Variants in DCBLD2 observed in about 807,000 individuals in gnomAD.
DCBLD2 encodes the protein discoidin, CUB and LCCL domain-containing protein 2.
Under a neutral mutation model 86.8 loss-of-function variants are expected in DCBLD2, and 54 were observed. That is an observed-to-expected ratio of 0.62 (90% CI 0.50 to 0.78). The LOEUF is 0.78. Among genes scored for constraint, DCBLD2 ranks in the 30% least tolerant of loss-of-function variants. The pLI is 0.00. For missense variants in DCBLD2, 908 were observed against 954.2 expected, an observed-to-expected ratio of 0.95 and a Z score of 0.64; for synonymous variants, 354 against 341.3, an observed-to-expected ratio of 1.04 and a Z score of -0.41.
At chr3:98,849,375 C>G (rs1461211958) in intron 3 of DCBLD2, 86 bp downstream of exon 3, 1 of 1,544,672 alleles carries the variant, frequency 6.5e-7, no homozygotes, top group Non-Finnish European at 8.9e-7. Context: ...ATTCCAATTT[C>G]AGAAAACAGG....
At chr3:98,820,360 T>C (rs1942097222) in intron 6 of DCBLD2, 72 bp from the exon 7 acceptor site, 1 of 1,194,596 alleles carries the variant, frequency 8.4e-7, no homozygotes, top group African/African-American at 1.6e-5. Context: ...TGAAACATTT[T>C]CTTTTGATTT....
intron 1 of DCBLD2, among the ~76,000 whole-genome samples, chr3:98,884,709 T>C (rs1202325984): frequency 6.6e-6 from 1 of 152,104 alleles, no homozygotes; most frequent in Non-Finnish European, 1.5e-5. Context: ...ATAAACAAAG[T>C]AACTCAAAAT....
chr3:98,846,882 T>A (rs568465551), intron 3 of DCBLD2, among the ~76,000 whole-genome samples: 19 of 151,970 alleles, frequency 1.3e-4, no homozygotes, highest in South Asian at 2.1e-4. Flanking sequence ...AACCTTTTTT[T>A]AAAAAAACAG....
rs777513185 is a variant in DCBLD2, at chr3:98,811,238, C to T, written c.1532G>A (p.Ser511Asn). 7 of 1,611,786 alleles carry T rather than the reference C, an allele frequency of 4.3e-6. No homozygotes were observed. In the Admixed American group the frequency reaches 5.0e-5, roughly 12 times the overall value. Residue 511 changes from serine to asparagine, a missense_variant, in exon 12 of 16, where the codon AGT (serine) becomes AAT (asparagine). Ser to Asn is a conservative substitution (Grantham distance 46, BLOSUM62 1). Coordinates refer to ENST00000326840, the MANE Select transcript of DCBLD2 (RefSeq NM_080927.4). ...TACGGTAGTATTTCTGATATCAGGA[C>T]TGGCAGTTGTTTGTTCTGTCTGTGC... Reference protein sequence around the residue: ...FPAQTEQTTASPDIRNTTVTP... With the variant: ...FPAQTEQTTANPDIRNTTVTP...
intron 13 of DCBLD2, among the ~76,000 whole-genome samples, chr3:98,806,563 T>C (rs1165910572): frequency 6.6e-6 from 1 of 152,156 alleles, no homozygotes; most frequent in Non-Finnish European, 1.5e-5. Context: ...ATATATTCTA[T>C]GGCTGGTGTT....
At chr3:98,866,701 T>C (rs1943153058) in intron 2 of DCBLD2, among the ~76,000 whole-genome samples, 1 of 152,158 alleles carries the variant, frequency 6.6e-6, no homozygotes, top group African/African-American at 2.4e-5. Context: ...GCAGAAGCTC[T>C]TTAGTTTAAT....
At chr3:98,868,056 G>A (rs12695786) in intron 2 of DCBLD2, among the ~76,000 whole-genome samples, 56,046 of 151,934 alleles carry the variant, frequency 0.37, 11,280 homozygotes, top group East Asian at 0.71. Context: ...GCCCACCTCA[G>A]CCTCCCAAAG....
chr3:98,803,233 G>T (rs1165511223), intron 13 of DCBLD2, among the ~76,000 whole-genome samples: 2 of 152,120 alleles, frequency 1.3e-5, no homozygotes, highest in African/African-American at 2.4e-5. Context: ...TTGAGCAGTG[G>T]TTTGTAGTTC....
At chr3:98,812,956 T>C (rs1242356686) in intron 9 of DCBLD2, 1 of 152,746 alleles carries the variant, frequency 6.5e-6, no homozygotes, top group Non-Finnish European at 1.5e-5. Flanking sequence ...GGTGAACATA[T>C]ACTAACAAAC....
At chr3:98,884,777 G>T (rs889625815) in intron 1 of DCBLD2, among the ~76,000 whole-genome samples, 2 of 152,136 alleles carry the variant, frequency 1.3e-5, no homozygotes, top group African/African-American at 2.4e-5. Context: ...GTGATTGAAA[G>T]TGTAGATGAA....
intron 2 of DCBLD2, among the ~76,000 whole-genome samples, chr3:98,867,678 C>A (rs752031801): frequency 3.5e-4 from 54 of 152,118 alleles, no homozygotes; most frequent in Non-Finnish European, 6.0e-4. Context: ...TGTACAAAAA[C>A]CAAATACCTT....
rs4484138 is a variant in DCBLD2, at chr3:98,838,902, G to A, written c.571+10559C>T. 1.3e-4 allele frequency among the ~76,000 whole-genome samples: 19 copies of A among 151,128 alleles called. 1 individual carries two copies. The highest frequency in any genetic ancestry group is 4.4e-4 in the African/African-American group (18 of 41,130). ...TCCACCAAAACCAGTCAGGCGTGGC[G>A]GCGCGTGCCTGCAATCGCAGGCATT... is the stretch of plus-strand genomic sequence containing the variant. On this transcript the variant is annotated intron_variant, in intron 3 of 15. Transcript: ENST00000326840.
chr3:98,889,468 A>G (rs1230947692), intron 1 of DCBLD2, among the ~76,000 whole-genome samples: 1 of 152,054 alleles, frequency 6.6e-6, no homozygotes, highest in African/African-American at 2.4e-5. Flanking sequence ...CATCCTTTAA[A>G]TGTCATAAAA....
At position 98,849,592 on chromosome 3, in the gene DCBLD2, T is replaced by A. The variant is rs777148523; in HGVS notation, c.440A>T (p.Tyr147Phe). Reference protein sequence around the residue: ...IGVSRTEIGKYCGLGLQMNHS... With the variant: ...IGVSRTEIGKFCGLGLQMNHS... ...GTTCATTTGCAACCCCAGACCACAG[T>A]ATTTGCCTAGGAATGAAAGAAAAGC... The change falls in exon 3 of 16, where the codon TAC becomes TTC. Residue 147 changes from tyrosine (Y) to phenylalanine (F), a missense_variant. Tyr to Phe is a conservative substitution (Grantham distance 22, BLOSUM62 3). This residue lies in a region of DCBLD2 where 294 missense variants were observed against 256.0 expected (regional missense o/e 1.15). Transcript: ENST00000326840. 8.3e-5 allele frequency: 134 copies of A among 1,608,932 alleles called. No individual in the cohort carries two copies. Among genetic ancestry groups the A allele is most frequent in the Non-Finnish European group, 1.1e-4 (126 of 1,176,066 alleles).
chr3:98,885,171 A>G (rs1189487425), intron 1 of DCBLD2, among the ~76,000 whole-genome samples: 1 of 152,114 alleles, frequency 6.6e-6, no homozygotes, highest in African/African-American at 2.4e-5. Flanking sequence ...ACGTGCCAAG[A>G]ATGTTCTAAA....
At chr3:98,852,659 G>A (rs771332915) in intron 2 of DCBLD2, among the ~76,000 whole-genome samples, 4 of 152,148 alleles carry the variant, frequency 2.6e-5, no homozygotes, top group Admixed American at 6.5e-5. Flanking sequence ...AATCAGGTAG[G>A]CCCATTAAAA....
At chr3:98,812,087 T>G (rs902218989) in intron 10 of DCBLD2, among the ~76,000 whole-genome samples, 1 of 152,194 alleles carries the variant, frequency 6.6e-6, no homozygotes, top group African/African-American at 2.4e-5. Flanking sequence ...ATTTGGAAAG[T>G]GATCTCATTT....
At position 98,801,609 on chromosome 3, in the gene DCBLD2, C is replaced by T. The variant is rs543559731; in HGVS notation, c.1711G>A (p.Asp571Asn). The change falls in exon 14 of 16, where the codon GAC (aspartate) becomes AAC (asparagine). Residue 571 changes from aspartate (D) to asparagine (N), a missense_variant. Asp to Asn is a conservative substitution (Grantham distance 23, BLOSUM62 1). Around this residue, in one of 3 missense-constraint regions of DCBLD2, gnomAD observed 606 missense variants for 678.5 expected, o/e 0.89. Transcript: ENST00000326840. ...TEGTYDLPYWDRAGWWKGMKQ... is the reference protein window; with the variant it reads ...TEGTYDLPYWNRAGWWKGMKQ... ...AGACCACGTGAGTTACCTGCCCGGT[C>T]CCAGTAAGGTAAGTCATAGGTGCCT... 2 of 1,609,888 alleles carry T rather than the reference C, an allele frequency of 1.2e-6. No individual in the cohort carries two copies. Among genetic ancestry groups the T allele is most frequent in the South Asian group, 2.2e-5 (2 of 90,216 alleles).
rs1941677762 is a variant in DCBLD2 at position 98,799,594 on chromosome 3, C to A, written c.2106G>T (p.Lys702Asn). 11 of 1,613,978 alleles carry A rather than the reference C, an allele frequency of 6.8e-6. No individual in the cohort carries two copies. The highest frequency in any genetic ancestry group is 4.0e-5 in the African/African-American group (3 of 75,022). The stretch of plus-strand genomic sequence containing the variant: ...GTGGGGGAGGTTGGTTCCCCGTAGC[C>A]TTGAAAGTGGATGTGGAGGGCTGAC... Reference protein sequence around the residue: ...SVGQPSTSTFKATGNQPPPLV... With the variant: ...SVGQPSTSTFNATGNQPPPLV... Residue 702 changes from lysine to asparagine, a missense_variant, in exon 16 of 16, where the codon AAG becomes AAT. By Grantham distance (94) the Lys-to-Asn change is moderately conservative (BLOSUM62 0). Coordinates refer to ENST00000326840, the MANE Select transcript of DCBLD2 (RefSeq NM_080927.4).
Sources: allele counts gnomAD v4.1 joint callset (sites outside exome capture counted in the v4.1 genomes callset), GRCh38; gene constraint gnomAD v4.1.1; regional missense constraint gnomAD v4.1.1; transcripts MANE v1.5; gene names NCBI Gene and HGNC (gene_info 2026-07-23, HGNC 2026-07-21).